NAA30: variants seen among roughly 807,000 people sequenced by gnomAD.
NAA30 encodes the protein N-alpha-acetyltransferase 30, NatC catalytic subunit.
NAA30 carries 5 observed loss-of-function variants against 31.4 expected under a neutral mutation model. The observed-to-expected ratio is 0.16, with a 90% CI of 0.08 to 0.33. The LOEUF is 0.33. Among genes scored for constraint, NAA30 ranks in the 10% least tolerant of loss-of-function variants. The pLI, the probability that NAA30 is intolerant of heterozygous loss-of-function variation, is 1.00. For missense variants in NAA30, 428 were observed against 490.8 expected (o/e 0.87, Z 1.21); for synonymous variants, 222 against 207.1 (o/e 1.07, Z -0.62).
intron 4 of NAA30, among the ~76,000 whole-genome samples, chr14:57,406,678 T>C (rs989955954): frequency 1.3e-5 from 2 of 152,172 alleles, no homozygotes; most frequent in African/African-American, 4.8e-5. Flanking sequence ...CAATTCCAAG[T>C]TTTGAGTTGT....
chr14:57,415,548 T>A lies in NAA30; in HGVS notation c.*6032T>A, dbSNP rs377638306. On this transcript the variant is annotated 3_prime_UTR_variant, in exon 5 of 5. Transcript: ENST00000556492. ...TGCGTGTATTTTTAGGAATGCGCTA[T>A]TTCCAGTAAGGGAAGTATTGACATT... 12 of 152,318 alleles carry A rather than the reference T, an allele frequency of 7.9e-5. No homozygotes were observed. The highest frequency in any genetic ancestry group is 1.9e-4 in the East Asian group (1 of 5,186). 9.4% of individuals were successfully genotyped at this position (152,318 alleles called of 1,614,324 possible).
At chr14:57,394,405 A>G (rs970092493) in intron 2 of NAA30, among the ~76,000 whole-genome samples, 2 of 152,096 alleles carry the variant, frequency 1.3e-5, no homozygotes, top group African/African-American at 4.8e-5. Context: ...TTAAGTCTTA[A>G]TCTTGCCGGG....
chr14:57,400,837 ATC>A (rs575823820), intron 4 of NAA30, among the ~76,000 whole-genome samples: 78 of 151,234 alleles, frequency 5.2e-4, no homozygotes, highest in African/African-American at 1.7e-3. Context: ...CTCTTTATCC[ATC>A]TTTCCATTGA....
At chr14:57,407,871 T>C (rs2139766508) in intron 4 of NAA30, among the ~76,000 whole-genome samples, 1 of 152,190 alleles carries the variant, frequency 6.6e-6, no homozygotes, top group Non-Finnish European at 1.5e-5. Context: ...ATATCGAGCA[T>C]AGAAAGAAGA....
chr14:57,407,819 C>T (rs2066503822), intron 4 of NAA30, among the ~76,000 whole-genome samples: 1 of 152,092 alleles, frequency 6.6e-6, no homozygotes, highest in Admixed American at 6.5e-5. Flanking sequence ...TTAGGAGGCT[C>T]TTGTAATTAT....
intron 4 of NAA30, among the ~76,000 whole-genome samples, chr14:57,400,580 A>G (rs1456566707): frequency 6.6e-6 from 1 of 152,340 alleles, no homozygotes; most frequent in East Asian, 1.9e-4. Context: ...TTGTACTAGT[A>G]CTTTTATGAG....
In NAA30 at chr14:57,413,228, T is replaced by C. The variant is rs1427555508; in HGVS notation, c.*3712T>C. 2 of 152,146 alleles carry C rather than the reference T, an allele frequency of 1.3e-5. No homozygotes were observed. The highest frequency in any genetic ancestry group is 2.9e-5 in the Non-Finnish European group (2 of 68,028). 9.4% of individuals were successfully genotyped at this position (152,146 alleles called of 1,614,324 possible). On this transcript the variant is annotated 3_prime_UTR_variant, in exon 5 of 5. Transcript: ENST00000556492. Reference sequence around the variant, plus strand: ...TTAAATAGCTGTGAATACTTCTGTATGTCAAGATTTTCGGATTTTAGTGGA... The same window carrying C: ...TTAAATAGCTGTGAATACTTCTGTACGTCAAGATTTTCGGATTTTAGTGGA...
At position 57,415,689 on chromosome 14, in the gene NAA30, T is replaced by TA. The variant is rs1264332966; in HGVS notation, c.*6174dup. The TA allele has an allele frequency of 6.6e-6, 1 of 152,138 alleles. No homozygotes were observed. Among genetic ancestry groups the TA allele is most frequent in the East Asian group, 1.9e-4 (1 of 5,196 alleles). 9.4% of individuals were successfully genotyped at this position (152,138 alleles called of 1,614,324 possible). ...TCAGAGGACTCAATGCCCTAACATG[T>TA]AGGGGATTGATCATTGCGATGTTTA... On this transcript the variant is annotated 3_prime_UTR_variant, in exon 5 of 5. Transcript: ENST00000556492.
rs2066516683 is a variant in NAA30 at position 57,410,036 on chromosome 14, A to G, written c.*520A>G. ...AGTGATTAGTGAATGAAAAAAATGT[A>G]GGGTGGGTATGTCTTACAATGAGTA... On this transcript the variant is annotated 3_prime_UTR_variant, in exon 5 of 5. Transcript: ENST00000556492. The G allele has an allele frequency of 6.6e-6, 1 of 152,598 alleles. No individual in the cohort carries two copies. Among genetic ancestry groups the G allele is most frequent in the Admixed American group, 6.5e-5 (1 of 15,276 alleles). The allele number at this position is 152,598 out of a possible 1,614,324, so 9.5% of individuals were successfully genotyped here.
chr14:57,404,844 C>T (rs918600761), intron 4 of NAA30, among the ~76,000 whole-genome samples: 2 of 152,132 alleles, frequency 1.3e-5, no homozygotes, highest in Non-Finnish European at 2.9e-5. Flanking sequence ...GAACGACTTG[C>T]CCCATGATTT....
At chr14:57,394,473 T>C (rs2066442612) in intron 2 of NAA30, among the ~76,000 whole-genome samples, 1 of 152,158 alleles carries the variant, frequency 6.6e-6, no homozygotes, top group Non-Finnish European at 1.5e-5. Flanking sequence ...TCCAAATGTA[T>C]ATGCAGAGCT....
intron 4 of NAA30, among the ~76,000 whole-genome samples, chr14:57,406,673 C>A (rs2066499388): frequency 6.6e-6 from 1 of 152,064 alleles, no homozygotes; most frequent in South Asian, 2.1e-4. Context: ...GAAATCAATT[C>A]CAAGTTTTGA....
chr14:57,407,902 AG>A (rs2066504105), intron 4 of NAA30, among the ~76,000 whole-genome samples: 1 of 152,066 alleles, frequency 6.6e-6, no homozygotes, highest in African/African-American at 2.4e-5. Context: ...GAGATTTAAG[AG>A]GGAGAATTGA....
At chr14:57,403,187 A>T (rs946645032) in intron 4 of NAA30, among the ~76,000 whole-genome samples, 1 of 151,490 alleles carries the variant, frequency 6.6e-6, no homozygotes, top group Non-Finnish European at 1.5e-5. Context: ...ATAAAGAAAG[A>T]GATACATTTG....
chr14:57,391,345 G>T lies in NAA30; in HGVS notation c.388G>T (p.Ala130Ser), dbSNP rs142898525. ...CCCCAGAGCGACTGCAACAAAAGGAGCCGGGGTACACTCGGGCGAGAGGCC... is the reference window on the plus strand; with the variant it reads ...CCCCAGAGCGACTGCAACAAAAGGATCCGGGGTACACTCGGGCGAGAGGCC... ...GGPRATATKG[A>S]GVHSGERPPH... Residue 130 changes from alanine to serine, a missense_variant, in exon 2 of 5, where the codon GCC becomes TCC. Physicochemically the swap from Ala to Ser is moderately conservative, Grantham distance 99. Around this residue, in one of 2 missense-constraint regions of NAA30, gnomAD observed 349 missense variants for 310.4 expected, o/e 1.12. Coordinates refer to ENST00000556492, the MANE Select transcript of NAA30 (RefSeq NM_001011713.3). This position sits in a 1 kb window ranked among gnomAD's most constrained non-coding sequence, Gnocchi z 4.1. The T allele has an allele frequency of 7.8e-5, 125 of 1,611,940 alleles. No individual in the cohort carries two copies. The African/African-American group carries it at 1.4e-3, about 18-fold the overall frequency.
intron 4 of NAA30, among the ~76,000 whole-genome samples, chr14:57,400,170 A>AT (rs1263728370): frequency 1.3e-5 from 2 of 152,216 alleles, no homozygotes; most frequent in Non-Finnish European, 2.9e-5. Context: ...GGTAGCTCTT[A>AT]TTACAGACTC....
chr14:57,409,352 C>T, intron 4 of NAA30, 27 bp from the exon 5 acceptor site: 3 of 1,544,972 alleles, frequency 1.9e-6, no homozygotes, highest in Admixed American at 2.0e-5. Context: ...GTAATTATAA[C>T]TTAGTTTTTT....
At chr14:57,405,615 T>A (rs1274748579) in intron 4 of NAA30, among the ~76,000 whole-genome samples, 1 of 152,172 alleles carries the variant, frequency 6.6e-6, no homozygotes, top group Non-Finnish European at 1.5e-5. Context: ...AGTTGTGTGA[T>A]TGTAGGCAGG....
intron 4 of NAA30, among the ~76,000 whole-genome samples, chr14:57,407,146 C>A (rs934772091): frequency 1.3e-5 from 2 of 152,140 alleles, no homozygotes; most frequent in African/African-American, 4.8e-5. Flanking sequence ...GCCTTGACCT[C>A]CCAAAGTGCT....
Sources: allele counts gnomAD v4.1 joint callset (sites outside exome capture counted in the v4.1 genomes callset), GRCh38; gene constraint gnomAD v4.1.1; regional missense constraint gnomAD v4.1.1; non-coding constraint Gnocchi (gnomAD v3.1); transcripts MANE v1.5; gene names NCBI Gene and HGNC (gene_info 2026-07-23, HGNC 2026-07-21).